RTN1: variants seen among roughly 807,000 people sequenced by gnomAD.
RTN1 encodes the protein reticulon 1.
A neutral mutation model predicts 65.5 loss-of-function variants in RTN1; 25 were observed. The ratio of observed to expected loss-of-function variants is 0.38; its 90% CI spans 0.28 to 0.53. The LOEUF (loss-of-function observed/expected upper bound fraction) is 0.53. Among genes scored for constraint, RTN1 ranks in the 20% least tolerant of loss-of-function variants. RTN1 has a pLI of 0.79. For synonymous variants in RTN1, 471 were observed against 447.6 expected, an observed-to-expected ratio of 1.05 and a Z score of -0.66; for missense variants, 983 against 1,025.4, an observed-to-expected ratio of 0.96 and a Z score of 0.57.
chr14:59,865,214 A>G (rs961160770), intron 1 of RTN1, among the ~76,000 whole-genome samples: 1 of 152,146 alleles, frequency 6.6e-6, no homozygotes, highest in African/African-American at 2.4e-5. Flanking sequence ...AGTCAGTGTC[A>G]AATATATTGG....
At chr14:59,746,629 C>A in intron 1 of RTN1, 148 bp from the exon 2 acceptor site, 1 of 632,948 alleles carries the variant, frequency 1.6e-6, no homozygotes, top group African/African-American at 1.8e-5. Flanking sequence ...CCTCAGAGCA[C>A]CAGCATGTTA....
At chr14:59,851,533 A>ATT (rs754730654) in intron 1 of RTN1, among the ~76,000 whole-genome samples, 1 of 151,614 alleles carries the variant, frequency 6.6e-6, no homozygotes, top group African/African-American at 2.4e-5. Context: ...TAAAAATATG[A>ATT]TTTTTTTTTG....
intron 3 of RTN1, among the ~76,000 whole-genome samples, chr14:59,672,458 A>G (rs1468539119): frequency 2.0e-5 from 3 of 152,160 alleles, no homozygotes; most frequent in African/African-American, 7.2e-5. Flanking sequence ...TTCGAGTTTC[A>G]TAATAATCCA....
chr14:59,718,769 G>A (rs967834334), intron 3 of RTN1, among the ~76,000 whole-genome samples: 3 of 152,188 alleles, frequency 2.0e-5, no homozygotes, highest in African/African-American at 7.2e-5. Flanking sequence ...CAGCATCAAA[G>A]TTTGGGGTAT....
At chr14:59,749,614 TA>T (rs1885376372) in intron 1 of RTN1, among the ~76,000 whole-genome samples, 1 of 60,168 alleles carries the variant, frequency 1.7e-5, no homozygotes, top group Non-Finnish European at 2.7e-5. Flanking sequence ...TATATATATT[TA>T]TATAGATATC....
In RTN1 at chr14:59,603,133, G is replaced by GAA; in HGVS notation, c.2230-12_2230-11dup. 1 of 1,508,654 alleles carries GAA rather than the reference G, an allele frequency of 6.6e-7. No homozygotes were observed. Among genetic ancestry groups the GAA allele is most frequent in the Admixed American group, 1.9e-5 (1 of 53,704 alleles). The allele number at this position is 1,508,654 out of a possible 1,614,324, so 93.5% of individuals were successfully genotyped here. A position where few individuals can be genotyped will look rare whatever the true frequency, so the allele number is the denominator to read the frequency against. ...ATTGGTCAATCTGTGCCTACATAAA[G>GAA]AAAAAAAAAATAATGAGCATATCCA... On this transcript the variant is annotated splice_polypyrimidine_tract_variant and intron_variant, in intron 7 of 8. Coordinates refer to ENST00000267484, the MANE Select transcript of RTN1 (RefSeq NM_021136.3).
chr14:59,618,967 ATGT>A (rs558559411), intron 3 of RTN1, among the ~76,000 whole-genome samples: 402 of 152,360 alleles, frequency 2.6e-3, no homozygotes, highest in Middle Eastern at 0.014. Flanking sequence ...CTTTTGACAA[ATGT>A]TGTCTCGATG....
At chr14:59,740,934 A>G (rs951726000) in intron 2 of RTN1, among the ~76,000 whole-genome samples, 1 of 152,212 alleles carries the variant, frequency 6.6e-6, no homozygotes. Flanking sequence ...GAGAGATAAG[A>G]AAGGCACCCC....
chr14:59,644,115 ACTCT>A (rs1363349313), intron 3 of RTN1, among the ~76,000 whole-genome samples: 1 of 152,150 alleles, frequency 6.6e-6, no homozygotes, highest in Non-Finnish European at 1.5e-5. Context: ...AAGTACAATA[ACTCT>A]CTAAGTTTTA....
chr14:59,750,059 C>T (rs1277809316), intron 1 of RTN1, among the ~76,000 whole-genome samples: 17 of 70,094 alleles, frequency 2.4e-4, no homozygotes, highest in Admixed American at 1.3e-3. Flanking sequence ...ATATTATATA[C>T]ATATATTATA....
chr14:59,782,531 A>G (rs182854246), intron 1 of RTN1, among the ~76,000 whole-genome samples: 4 of 152,340 alleles, frequency 2.6e-5, no homozygotes, highest in Middle Eastern at 3.4e-3. Context: ...TAAAGCACCA[A>G]TAAAACTTCA....
At chr14:59,605,527 C>T in intron 4 of RTN1, 21 bp from the exon 5 acceptor site, 2 of 1,612,494 alleles carry the variant, frequency 1.2e-6, no homozygotes, top group Non-Finnish European at 1.7e-6. Flanking sequence ...ACCATTCCCA[C>T]AGAAAATTCC....
At chr14:59,715,791 A>T (rs1382838757) in intron 3 of RTN1, among the ~76,000 whole-genome samples, 2 of 150,918 alleles carry the variant, frequency 1.3e-5, no homozygotes, top group African/African-American at 4.9e-5. Context: ...GCACCACTGC[A>T]CTCCAGCCTG....
At chr14:59,757,475 C>T (rs1001189004) in intron 1 of RTN1, among the ~76,000 whole-genome samples, 8 of 152,102 alleles carry the variant, frequency 5.3e-5, no homozygotes, top group African/African-American at 9.7e-5. Context: ...CTTCGTCTTC[C>T]GCCATGATTG....
rs71111662 is a variant in RTN1, at chr14:59,672,625, C to CTTTTT, written c.1765+54289_1765+54293dup. Among the ~76,000 whole-genome samples the CTTTTT allele has an allele frequency of 2.5e-3, 200 of 79,096 alleles. 20 individuals are homozygous for CTTTTT. Among genetic ancestry groups the CTTTTT allele is most frequent in the African/African-American group, 6.4e-3 (153 of 23,770 alleles). The allele number at this position is 79,096 out of a possible 152,430, so 51.9% of individuals were successfully genotyped here. ...TTGAATGAATGAATACAAGATATTT[C>CTTTTT]TTTTTTTTTTTTTTTTTTTTTTTTT... On this transcript the variant is annotated intron_variant, in intron 3 of 8. Coordinates refer to ENST00000267484, the MANE Select transcript of RTN1 (RefSeq NM_021136.3).
At chr14:59,665,488 T>C (rs1169341713) in intron 3 of RTN1, among the ~76,000 whole-genome samples, 1 of 152,062 alleles carries the variant, frequency 6.6e-6, no homozygotes, top group Non-Finnish European at 1.5e-5. Context: ...TGCAGAAACA[T>C]CCCAAATTGT....
intron 8 of RTN1, among the ~76,000 whole-genome samples, chr14:59,598,790 A>G (rs1316202102): frequency 6.6e-6 from 1 of 152,178 alleles, no homozygotes; most frequent in East Asian, 1.9e-4. Context: ...TCCTTTAGCA[A>G]TGTTAGACCT....
chr14:59,827,142 G>T (rs1179733684), intron 1 of RTN1, among the ~76,000 whole-genome samples: 1 of 152,118 alleles, frequency 6.6e-6, no homozygotes, highest in Non-Finnish European at 1.5e-5. Flanking sequence ...ACAGTGGCGT[G>T]ATCTCGGCTC....
chr14:59,699,256 C>T (rs1884129471), intron 3 of RTN1, among the ~76,000 whole-genome samples: 1 of 151,320 alleles, frequency 6.6e-6, no homozygotes, highest in Admixed American at 6.6e-5. Flanking sequence ...CACCTGTTCC[C>T]CAACAACCTA....
Sources: gnomAD v4.1 joint callset for allele counts (sites outside exome capture counted in the v4.1 genomes callset) on GRCh38, gnomAD v4.1.1 for gene constraint, MANE v1.5 for transcripts, NCBI Gene and HGNC (gene_info 2026-07-23, HGNC 2026-07-21) for gene names.